NFATC1: variants seen among roughly 807,000 people sequenced by gnomAD.
NFATC1 encodes the protein nuclear factor of activated T-cells, cytoplasmic 1.
NFATC1 carries 22 observed loss-of-function variants against 76.0 expected under a neutral mutation model. That is an observed-to-expected ratio of 0.29 (90% CI 0.21 to 0.41). The LOEUF (loss-of-function observed/expected upper bound fraction) is 0.41. Among genes scored for constraint, NFATC1 ranks in the 10% least tolerant of loss-of-function variants. The pLI is 1.00. For synonymous variants in NFATC1, 704 were observed against 613.1 expected (o/e 1.15, Z -2.19); for missense variants, 1,357 against 1,337.7 (o/e 1.01, Z -0.23).
intron 1 of NFATC1, among the ~76,000 whole-genome samples, chr18:79,400,743 T>C (rs1156590345): frequency 1.7e-5 from 2 of 119,226 alleles, no homozygotes; most frequent in Admixed American, 1.7e-4. Context: ...AGAGGGCTGG[T>C]GGCGCTGCCA....
chr18:79,463,086 GACCCAT>G (rs1403638918), intron 7 of NFATC1, among the ~76,000 whole-genome samples: 5 of 152,210 alleles, frequency 3.3e-5, no homozygotes, highest in Non-Finnish European at 5.9e-5. Context: ...TTCCCCCAAG[GACCCAT>G]CCCCTTCCCA....
At chr18:79,491,608 G>A (rs2089679485) in intron 9 of NFATC1, among the ~76,000 whole-genome samples, 1 of 152,210 alleles carries the variant, frequency 6.6e-6, no homozygotes, top group African/African-American at 2.4e-5. Flanking sequence ...ACGTGGGTAT[G>A]GCAGGTGACA....
rs756680110 is a variant in NFATC1, at chr18:79,486,271, A to T, written c.2116A>T (p.Thr706Ser). 6 of 1,609,724 alleles carry T rather than the reference A, an allele frequency of 3.7e-6. No homozygotes were observed. In the South Asian group the frequency reaches 4.4e-5, roughly 12 times the overall value. Residue 706 changes from threonine (T) to serine (S), a missense_variant, in exon 9 of 10, where the codon ACT (threonine) becomes TCT (serine). By Grantham distance (58) the Thr-to-Ser change is moderately conservative. Coordinates refer to ENST00000427363, the MANE Select transcript of NFATC1 (RefSeq NM_001278669.2). The part of the protein sequence containing the change: ...ANVPIIKTEP[T>S]DDYEPAPTCG... ...AGTTCCAATTATAAAAACAGAACCC[A>T]CTGATGATTATGAGCCTGCTCCAAC...
chr18:79,423,954 G>A (rs1451954241), intron 2 of NFATC1, among the ~76,000 whole-genome samples: 4 of 152,208 alleles, frequency 2.6e-5, no homozygotes, highest in African/African-American at 9.7e-5. Flanking sequence ...CCTCCAGGGT[G>A]GGACAGCAGT....
intron 4 of NFATC1, among the ~76,000 whole-genome samples, chr18:79,450,191 CTG>C (rs1414701973): frequency 1.3e-5 from 2 of 152,154 alleles, no homozygotes; most frequent in African/African-American, 4.8e-5. Context: ...GTCGGGGAGT[CTG>C]TGTTTATTCT....
intron 7 of NFATC1, among the ~76,000 whole-genome samples, chr18:79,462,613 C>T (rs3786197): frequency 0.16 from 24,276 of 152,234 alleles, 2,125 homozygotes; most frequent in East Asian, 0.37. Context: ...CTGATGTTCA[C>T]TTATTATTGA....
chr18:79,464,871 A>G (rs1057418825), intron 7 of NFATC1, among the ~76,000 whole-genome samples: 1 of 150,582 alleles, frequency 6.6e-6, no homozygotes, highest in African/African-American at 2.4e-5. Flanking sequence ...CTGCCCAGCT[A>G]ATTTTTAAAT....
chr18:79,511,974 G>A (rs781291884), intron 9 of NFATC1, among the ~76,000 whole-genome samples: 6 of 152,148 alleles, frequency 3.9e-5, no homozygotes, highest in Non-Finnish European at 7.4e-5. Flanking sequence ...TGGATGGGAC[G>A]CAGCTGAGAC....
Position 79,464,243 on chromosome 18 carries a change from C to G in NFATC1, c.1959+2877C>G, listed in dbSNP as rs553693468. ...TATCTAGGACTACAGGCGCCGGCCA[C>G]TATGCCTGGCTAATGTTTTTGTATT... is the stretch of plus-strand genomic sequence containing the variant. On this transcript the variant is annotated intron_variant, in intron 7 of 9. Coordinates refer to ENST00000427363, the MANE Select transcript of NFATC1 (RefSeq NM_001278669.2). 1.3e-3 allele frequency among the ~76,000 whole-genome samples: 204 copies of G among 152,218 alleles called. 1 individual carries two copies. Among genetic ancestry groups the G allele is most frequent in the African/African-American group, 4.7e-3 (194 of 41,538 alleles).
chr18:79,445,810 G>A (rs1342086052), intron 3 of NFATC1, among the ~76,000 whole-genome samples: 1 of 152,204 alleles, frequency 6.6e-6, no homozygotes, highest in Non-Finnish European at 1.5e-5. Context: ...GGTGGAGGGT[G>A]AGACATTCCC....
At position 79,410,301 on chromosome 18, in the gene NFATC1, C is replaced by G; in HGVS notation, c.128-102C>G. ...TTGCTGAGGCCCGCTCCTTGGGGTC[C>G]GTTGGTCGAGGCCGGGGGTTGCTGG... On this transcript the variant is annotated intron_variant, in intron 1 of 9. Transcript: ENST00000427363. This position sits in a 1 kb window ranked among gnomAD's most constrained non-coding sequence, Gnocchi z 6.7. The G allele has an allele frequency of 6.6e-7, 1 of 1,511,006 alleles. No homozygotes were observed. Among genetic ancestry groups the G allele is most frequent in the Admixed American group, 2.1e-5 (1 of 48,576 alleles). The allele number at this position is 1,511,006 out of a possible 1,614,324, so 93.6% of individuals were successfully genotyped here.
intron 8 of NFATC1, among the ~76,000 whole-genome samples, chr18:79,474,222 C>CGCT (rs1555913664): frequency 1.3e-5 from 1 of 77,862 alleles, no homozygotes; most frequent in Non-Finnish European, 2.4e-5. Flanking sequence ...TCACTGTCGA[C>CGCT]GTAAACCTGA....
chr18:79,498,126 T>C (rs2089937294), intron 9 of NFATC1: 1 of 151,518 alleles, frequency 6.6e-6, no homozygotes, highest in African/African-American at 2.4e-5. Flanking sequence ...TCTCCAGTTG[T>C]AAACCAAAAA....
intron 2 of NFATC1, among the ~76,000 whole-genome samples, chr18:79,418,917 G>T (rs2148227878): frequency 6.6e-6 from 1 of 152,314 alleles, no homozygotes; most frequent in South Asian, 2.1e-4. Context: ...AAGGGCTGGG[G>T]CATCTTCTCC....
chr18:79,447,574 C>G (rs928653689), intron 3 of NFATC1, among the ~76,000 whole-genome samples: 1 of 152,202 alleles, frequency 6.6e-6, no homozygotes, highest in African/African-American at 2.4e-5. Context: ...GCTGATGAAT[C>G]TCAGGGCTCT....
chr18:79,410,685 A>G lies in NFATC1; in HGVS notation c.410A>G (p.His137Arg). 6.2e-7 allele frequency: 1 copy of G among 1,612,708 alleles called. No homozygotes were observed. The highest frequency in any genetic ancestry group is 1.7e-5 in the Admixed American group (1 of 60,002). Residue 137 changes from histidine to arginine, a missense_variant, in exon 2 of 10, where the codon CAC becomes CGC. Physicochemically the swap from His to Arg is conservative, Grantham distance 29. Coordinates refer to ENST00000427363, the MANE Select transcript of NFATC1 (RefSeq NM_001278669.2). This position sits in a 1 kb window ranked among gnomAD's most constrained non-coding sequence, Gnocchi z 6.7. ...TACCACAACAATAACCAGTTTTTCCACGATGTGGAGGTGGAAGACGTCCTC... is the reference window on the plus strand; with the variant it reads ...TACCACAACAATAACCAGTTTTTCCGCGATGTGGAGGTGGAAGACGTCCTC... ...GLYHNNNQFF[H>R]DVEVEDVLPS...
chr18:79,461,475 G>C (rs1246406348), intron 7 of NFATC1, 109 bp downstream of exon 7: 3 of 704,226 alleles, frequency 4.3e-6, no homozygotes, highest in African/African-American at 7.8e-5. Context: ...TGGGGTTCCT[G>C]TTTCTTAGAA....
At position 79,524,329 on chromosome 18, in the gene NFATC1, C is replaced by T. The variant is rs533208042; in HGVS notation, c.2783-3199C>T. On this transcript the variant is annotated intron_variant, in intron 9 of 9. Coordinates refer to ENST00000427363, the MANE Select transcript of NFATC1 (RefSeq NM_001278669.2). This position sits in a 1 kb window ranked among gnomAD's most constrained non-coding sequence, Gnocchi z 7.2. ...TGTCTGCGGGGCGAGCACGGCTCCACGTACGGCTCTCGTCCGCGGTGTGGA... is the reference window on the plus strand; with the variant it reads ...TGTCTGCGGGGCGAGCACGGCTCCATGTACGGCTCTCGTCCGCGGTGTGGA... 7.0e-4 allele frequency among the ~76,000 whole-genome samples: 106 copies of T among 152,354 alleles called. 1 individual carries two copies. The highest frequency in any genetic ancestry group is 2.4e-3 in the African/African-American group (101 of 41,592).
At chr18:79,402,202 G>T (rs549250830) in intron 1 of NFATC1, among the ~76,000 whole-genome samples, 6 of 152,356 alleles carry the variant, frequency 3.9e-5, no homozygotes, top group African/African-American at 9.6e-5. Flanking sequence ...GTAACTCCAG[G>T]CTTATCCGGG....
Sources: gnomAD v4.1 joint callset for allele counts (sites outside exome capture counted in the v4.1 genomes callset) on GRCh38, gnomAD v4.1.1 for gene constraint, Gnocchi (gnomAD v3.1) non-coding constraint, MANE v1.5 for transcripts, NCBI Gene and HGNC (gene_info 2026-07-23, HGNC 2026-07-21) for gene names.